SPIDR: variants seen among roughly 807,000 people sequenced by gnomAD.
SPIDR encodes the protein scaffold protein involved in DNA repair.
SPIDR carries 93 observed loss-of-function variants against 104.6 expected under a neutral mutation model. The ratio of observed to expected loss-of-function variants is 0.89; its 90% confidence interval spans 0.75 to 1.06. SPIDR has a LOEUF of 1.06. Among genes scored for constraint, SPIDR ranks in the 50% least tolerant of loss-of-function variants. SPIDR has a pLI of 0.00. For missense variants in SPIDR, 1,154 were observed against 1,111.2 expected, an observed-to-expected ratio of 1.04 and a Z score of -0.55; for synonymous variants, 431 against 416.9, an observed-to-expected ratio of 1.03 and a Z score of -0.41.
chr8:47,475,903 T>A (rs2076235462), intron 8 of SPIDR, among the ~76,000 whole-genome samples: 1 of 152,200 alleles, frequency 6.6e-6, no homozygotes, highest in Non-Finnish European at 1.5e-5. Flanking sequence ...AAGAAAAGTC[T>A]ATTTTTTTGG....
At chr8:47,512,100 C>A (rs1185752306) in intron 8 of SPIDR, 1 of 535,566 alleles carries the variant, frequency 1.9e-6, no homozygotes, top group Non-Finnish European at 3.4e-6. Context: ...CAGTGCCCAT[C>A]ACCACCACGA....
At chr8:47,719,830 C>G (rs571621241) in intron 16 of SPIDR, among the ~76,000 whole-genome samples, 2 of 152,138 alleles carry the variant, frequency 1.3e-5, no homozygotes, top group African/African-American at 4.8e-5. Flanking sequence ...GAACCCAATG[C>G]TCCTTACATT....
chr8:47,432,865 TAAG>T (rs2067601360), intron 7 of SPIDR, among the ~76,000 whole-genome samples: 2 of 152,142 alleles, frequency 1.3e-5, no homozygotes, highest in African/African-American at 4.8e-5. Context: ...CATCTACATT[TAAG>T]AATACCATTC....
chr8:47,410,146 A>C (rs1465761273), intron 7 of SPIDR, among the ~76,000 whole-genome samples: 2 of 151,916 alleles, frequency 1.3e-5, no homozygotes, highest in African/African-American at 4.8e-5. Context: ...GACCTAATAT[A>C]TATGACCCAA....
intron 8 of SPIDR, among the ~76,000 whole-genome samples, chr8:47,445,738 C>T (rs782363427): frequency 1.3e-5 from 2 of 152,164 alleles, no homozygotes; most frequent in East Asian, 1.9e-4. Flanking sequence ...CCAGTGAGCA[C>T]ACAAATATTG....
intron 5 of SPIDR, among the ~76,000 whole-genome samples, chr8:47,301,336 GTC>G (rs1304475250): frequency 3.9e-5 from 6 of 152,066 alleles, no homozygotes; most frequent in African/African-American, 1.4e-4. Context: ...GCCTATGTGT[GTC>G]TCTGCACGTG....
At chr8:47,301,983 T>C (rs1215175106) in intron 5 of SPIDR, among the ~76,000 whole-genome samples, 4 of 134,978 alleles carry the variant, frequency 3.0e-5, no homozygotes, top group South Asian at 5.7e-4. Flanking sequence ...TGAATTTGAA[T>C]GTTGGCCTGC....
intron 9 of SPIDR, 42 bp downstream of exon 9, chr8:47,596,048 G>A (rs2154423273): frequency 6.5e-7 from 1 of 1,543,544 alleles, no homozygotes; most frequent in South Asian, 1.2e-5. Flanking sequence ...TTGTAATAAT[G>A]TTAGTGACTG....
chr8:47,401,594 C>T (rs529725928), intron 6 of SPIDR, among the ~76,000 whole-genome samples: 54 of 152,156 alleles, frequency 3.5e-4, no homozygotes, highest in African/African-American at 1.1e-3. Context: ...ACCCATCTCA[C>T]GTGCAGAGAC....
intron 10 of SPIDR, among the ~76,000 whole-genome samples, chr8:47,665,587 C>T (rs552485710): frequency 3.1e-4 from 47 of 152,162 alleles, no homozygotes; most frequent in Non-Finnish European, 6.3e-4. Flanking sequence ...ATAGCCACTA[C>T]AAATTAAATA....
chr8:47,373,383 A>G (rs2058277306), intron 5 of SPIDR, among the ~76,000 whole-genome samples: 1 of 152,184 alleles, frequency 6.6e-6, no homozygotes, highest in South Asian at 2.1e-4. Flanking sequence ...TATGGTTGGT[A>G]CACATTAGTA....
intron 12 of SPIDR, 49 bp downstream of exon 12, chr8:47,700,539 C>A (rs1183514048): frequency 3.8e-6 from 6 of 1,591,680 alleles, no homozygotes; most frequent in Non-Finnish European, 5.2e-6. Flanking sequence ...TACTCCATGC[C>A]AGGTGCCAAG....
intron 8 of SPIDR, among the ~76,000 whole-genome samples, chr8:47,441,873 G>C (rs782009990): frequency 6.6e-6 from 1 of 152,180 alleles, no homozygotes; most frequent in Non-Finnish European, 1.5e-5. Flanking sequence ...AAATGGCCAC[G>C]AGGAGTCCCA....
intron 8 of SPIDR, among the ~76,000 whole-genome samples, chr8:47,443,571 C>T (rs1403020264): frequency 6.6e-5 from 2 of 30,158 alleles, no homozygotes; most frequent in East Asian, 1.8e-3. Context: ...ACCCTGTCGC[C>T]AAAAAAAAAA....
At chr8:47,472,921 A>G (rs1231926287) in intron 8 of SPIDR, among the ~76,000 whole-genome samples, 2 of 152,176 alleles carry the variant, frequency 1.3e-5, no homozygotes, top group Non-Finnish European at 2.9e-5. Flanking sequence ...AAAGCAAACA[A>G]TTTCACTGCT....
chr8:47,558,049 G>C (rs1406305277), intron 8 of SPIDR, among the ~76,000 whole-genome samples: 1 of 152,130 alleles, frequency 6.6e-6, no homozygotes, highest in Non-Finnish European at 1.5e-5. Flanking sequence ...AATTAACGCA[G>C]AAACACAACC....
intron 6 of SPIDR, among the ~76,000 whole-genome samples, chr8:47,405,799 A>C (rs540298760): frequency 6.6e-6 from 1 of 152,140 alleles, no homozygotes; most frequent in Non-Finnish European, 1.5e-5. Context: ...TTTTTTTAAC[A>C]TGAGATATGT....
At position 47,493,724 on chromosome 8, in the gene SPIDR, T is replaced by A. The variant is rs143376125; in HGVS notation, c.1097+53182T>A. ...TGTCATAGGACTTGAAAATGTTCCA[T>A]CTAGTGACAATTCTTTAAGAATACT... On this transcript the variant is annotated intron_variant, in intron 8 of 19. Coordinates refer to ENST00000297423, the MANE Select transcript of SPIDR (RefSeq NM_001080394.4). Among the ~76,000 whole-genome samples the A allele has an allele frequency of 1.8e-3, 280 of 152,262 alleles. 1 individual carries two copies. The highest frequency in any genetic ancestry group is 6.6e-3 in the African/African-American group (273 of 41,544).
chr8:47,454,899 T>A lies in SPIDR; in HGVS notation c.1097+14357T>A, dbSNP rs186087022. 1.7e-3 allele frequency among the ~76,000 whole-genome samples: 260 copies of A among 151,810 alleles called. 2 individuals carry two copies. The highest frequency in any genetic ancestry group is 4.9e-3 in the African/African-American group (205 of 41,422). ...CTGTCTCAAAAAAAAATAATAATAA[T>A]AAATAAGAATAAAGGAGAAATTAAC... On this transcript the variant is annotated intron_variant, in intron 8 of 19. Transcript: ENST00000297423.
Sources: gnomAD v4.1 joint callset for allele counts (sites outside exome capture counted in the v4.1 genomes callset) on GRCh38, gnomAD v4.1.1 for gene constraint, MANE v1.5 for transcripts, NCBI Gene and HGNC (gene_info 2026-07-23, HGNC 2026-07-21) for gene names.